The following DIP2C variants were observed in gnomAD, a reference collection of about 807,000 sequenced individuals.
DIP2C encodes disco-interacting protein 2 homolog C.
In DIP2C, 33 loss-of-function variants were observed where a neutral mutation model predicts 192.4. That is an observed-to-expected ratio of 0.17 (90% CI 0.13 to 0.23). DIP2C has a LOEUF of 0.23. DIP2C is among the 10% of genes least tolerant of loss of function. DIP2C has a pLI of 1.00. For synonymous variants in DIP2C, 979 were observed against 864.1 expected (o/e 1.13, Z -2.33); for missense variants, 1,537 against 2,110.1 (o/e 0.73, Z 5.32).
intron 30 of DIP2C, among the ~76,000 whole-genome samples, chr10:328,071 G>A (rs1414870750): frequency 6.6e-6 from 1 of 152,160 alleles, no homozygotes. Context: ...AACCCCAACC[G>A]TCAGGCCCTG....
At chr10:545,870 C>A (rs1848259649) in intron 1 of DIP2C, among the ~76,000 whole-genome samples, 1 of 152,196 alleles carries the variant, frequency 6.6e-6, no homozygotes. Context: ...TCTCCATCAA[C>A]AGATTAGAAG....
At chr10:345,606 C>A (rs562219806) in intron 26 of DIP2C, among the ~76,000 whole-genome samples, 1 of 137,996 alleles carries the variant, frequency 7.2e-6, no homozygotes, top group Non-Finnish European at 1.5e-5. Flanking sequence ...CCGGAAACCC[C>A]ACACTCACCC....
intron 1 of DIP2C, among the ~76,000 whole-genome samples, chr10:513,805 A>G (rs1588356560): frequency 6.6e-6 from 1 of 152,352 alleles, no homozygotes; most frequent in East Asian, 1.9e-4. Flanking sequence ...CTCATTAAGT[A>G]AAAACCTAAT....
In DIP2C at chr10:418,052, C is replaced by G. The variant is rs1332198410; in HGVS notation, c.739+1013G>C. Among the ~76,000 whole-genome samples the G allele has an allele frequency of 1.0e-2, 128 of 12,828 alleles. 25 individuals carry two copies. Among genetic ancestry groups the G allele is most frequent in the Non-Finnish European group, 0.014 (66 of 4,874 alleles). 8.4% of individuals were successfully genotyped at this position (12,828 alleles called of 152,430 possible). On this transcript the variant is annotated intron_variant, in intron 6 of 36. Coordinates refer to ENST00000280886, the MANE Select transcript of DIP2C (RefSeq NM_014974.3). ...TGTCCACCTGTTCCTGTCAGGGCTT[C>G]GATAGGCCTCCCTGTTCACTGCACC...
intron 1 of DIP2C, among the ~76,000 whole-genome samples, chr10:547,805 A>AT (rs1848365533): frequency 6.6e-6 from 1 of 151,796 alleles, no homozygotes; most frequent in African/African-American, 2.4e-5. Flanking sequence ...CTGCAGGGGG[A>AT]TTTTAACGCT....
chr10:510,469 G>A (rs547152540), intron 1 of DIP2C, among the ~76,000 whole-genome samples: 1 of 152,326 alleles, frequency 6.6e-6, no homozygotes, highest in African/African-American at 2.4e-5. Flanking sequence ...GACCAGCAAC[G>A]CTCTTTCCCG....
At chr10:307,631 A>G (rs766835018) in intron 32 of DIP2C, among the ~76,000 whole-genome samples, 1 of 151,836 alleles carries the variant, frequency 6.6e-6, no homozygotes, top group Non-Finnish European at 1.5e-5. Flanking sequence ...GACGGAGGGG[A>G]CCACAGACAG....
At chr10:686,492 C>G (rs1241130396) in intron 1 of DIP2C, among the ~76,000 whole-genome samples, 5 of 152,222 alleles carry the variant, frequency 3.3e-5, no homozygotes. Context: ...GACCGTGTGG[C>G]CTCCTTACCT....
intron 1 of DIP2C, among the ~76,000 whole-genome samples, chr10:639,809 G>A (rs1588655094): frequency 6.6e-6 from 1 of 152,150 alleles, no homozygotes; most frequent in Admixed American, 6.5e-5. Context: ...ACAAATCAGC[G>A]ACATCACTAG....
chr10:651,241 A>C lies in DIP2C; in HGVS notation c.85+38253T>G, dbSNP rs1448581143. 1.4e-6 allele frequency: 1 copy of C among 716,564 alleles called. No homozygotes were observed. The allele number at this position is 716,564 out of a possible 1,614,324, so 44.4% of individuals were successfully genotyped here. A position where few individuals can be genotyped will look rare whatever the true frequency, so the allele number is the denominator to read the frequency against. On this transcript the variant is annotated intron_variant, in intron 1 of 36. Transcript: ENST00000280886. The surrounding 1 kb of genome is among the most constrained non-coding windows in gnomAD (Gnocchi z 4.1). ...CCTGCATCACACCAATGATGGCGTCACAGCGTGGGTTCCGGTCACCAGTCG... is the reference window on the plus strand; with the variant it reads ...CCTGCATCACACCAATGATGGCGTCCCAGCGTGGGTTCCGGTCACCAGTCG...
intron 1 of DIP2C, among the ~76,000 whole-genome samples, chr10:499,447 A>G (rs1443886803): frequency 6.6e-6 from 1 of 152,214 alleles, no homozygotes; most frequent in Non-Finnish European, 1.5e-5. Context: ...ATGGCTGGGG[A>G]GACCTCAGGA....
intron 8 of DIP2C, among the ~76,000 whole-genome samples, chr10:409,582 G>C (rs1022011721): frequency 5.3e-5 from 8 of 152,242 alleles, no homozygotes; most frequent in African/African-American, 1.7e-4. Flanking sequence ...AAACCGCGGG[G>C]AAGGTTGTAG....
At chr10:578,238 T>C (rs1196959508) in intron 1 of DIP2C, among the ~76,000 whole-genome samples, 1 of 152,236 alleles carries the variant, frequency 6.6e-6, no homozygotes, top group Non-Finnish European at 1.5e-5. Flanking sequence ...GCATTTGTCA[T>C]GAACTGTTTA....
At chr10:320,520 A>AAG (rs1185968366) in intron 31 of DIP2C, among the ~76,000 whole-genome samples, 3 of 152,088 alleles carry the variant, frequency 2.0e-5, no homozygotes, top group Non-Finnish European at 4.4e-5. Context: ...AAAAAAAAAA[A>AAG]AAAAATCAAG....
rs1554896881 is a variant in DIP2C, at chr10:545,166, C to CCTTTTTTTTT, written c.86-58637_86-58636insAAAAAAAAAG. ...TGATCCAACATGACTGGTGTTTTCC[C>CCTTTTTTTTT]TTTTTTTTTTTTTTTTTTTTTTTGA... is the stretch of plus-strand genomic sequence containing the variant. On this transcript the variant is annotated intron_variant, in intron 1 of 36. Coordinates refer to ENST00000280886, the MANE Select transcript of DIP2C (RefSeq NM_014974.3). 5.8e-3 allele frequency among the ~76,000 whole-genome samples: 502 copies of CCTTTTTTTTT among 86,386 alleles called. 21 individuals are homozygous for CCTTTTTTTTT. The highest frequency in any genetic ancestry group is 0.019 in the African/African-American group (332 of 17,624). The allele number at this position is 86,386 out of a possible 152,430, so 56.7% of individuals were successfully genotyped here. A position where few individuals can be genotyped will look rare whatever the true frequency, so the allele number is the denominator to read the frequency against.
At chr10:296,244 A>G (rs1955746329) in intron 32 of DIP2C, among the ~76,000 whole-genome samples, 1 of 152,176 alleles carries the variant, frequency 6.6e-6, no homozygotes, top group Non-Finnish European at 1.5e-5. Flanking sequence ...TAGGGTTTTT[A>G]TGGTTTTAGG....
intron 1 of DIP2C, among the ~76,000 whole-genome samples, chr10:603,336 A>G (rs1485561958): frequency 7.2e-6 from 1 of 139,660 alleles, no homozygotes; most frequent in Non-Finnish European, 1.5e-5. Context: ...AAAAAAAACC[A>G]ACCATGAGAT....
At chr10:580,936 A>T (rs1267428970) in intron 1 of DIP2C, among the ~76,000 whole-genome samples, 1 of 151,600 alleles carries the variant, frequency 6.6e-6, no homozygotes, top group Non-Finnish European at 1.5e-5. Context: ...AAAAATTAGA[A>T]GTGTGTCCTC....
intron 32 of DIP2C, among the ~76,000 whole-genome samples, chr10:305,360 G>A (rs1016033564): frequency 4.6e-5 from 7 of 152,230 alleles, no homozygotes; most frequent in South Asian, 4.2e-4. Flanking sequence ...GGACCTGATC[G>A]GGTGAAAGGC....
Sources: allele counts gnomAD v4.1 joint callset (sites outside exome capture counted in the v4.1 genomes callset), GRCh38; gene constraint gnomAD v4.1.1; non-coding constraint Gnocchi (gnomAD v3.1); transcripts MANE v1.5; gene names NCBI Gene and HGNC (gene_info 2026-07-23, HGNC 2026-07-21).